MKX: variants seen among roughly 807,000 people sequenced by gnomAD.
The protein encoded by MKX is homeobox protein Mohawk.
MKX carries 13 observed loss-of-function variants against 36.0 expected under a neutral mutation model. The ratio of observed to expected loss-of-function variants is 0.36; its 90% CI spans 0.24 to 0.57. MKX has a LOEUF of 0.57. Ranked by LOEUF, MKX falls within the 20% of genes least tolerant of loss-of-function variation. MKX has a pLI of 0.79. For synonymous variants in MKX, 176 were observed against 178.3 expected (o/e 0.99, Z 0.10); for missense variants, 458 against 456.4 (o/e 1.00, Z -0.03).
intron 1 of MKX, 195 bp downstream of exon 1, chr10:27,745,512 G>C (rs1053707034): frequency 6.6e-6 from 1 of 152,582 alleles, no homozygotes; most frequent in African/African-American, 2.4e-5. Context: ...AGCAAAGGAG[G>C]CGCGGCCAGG....
At chr10:27,692,404 T>C (rs1248559949) in intron 5 of MKX, among the ~76,000 whole-genome samples, 1 of 152,212 alleles carries the variant, frequency 6.6e-6, no homozygotes, top group Non-Finnish European at 1.5e-5. Context: ...AAGATTTTCA[T>C]TGTAATATAT....
At chr10:27,684,973 C>T (rs1016106814) in intron 5 of MKX, among the ~76,000 whole-genome samples, 14 of 152,214 alleles carry the variant, frequency 9.2e-5, no homozygotes, top group Non-Finnish European at 1.0e-4. Flanking sequence ...CTATGCCAGA[C>T]ACTATGCCAG....
chr10:27,728,743 T>C (rs767784429), intron 5 of MKX, among the ~76,000 whole-genome samples: 8 of 152,178 alleles, frequency 5.3e-5, no homozygotes, highest in Non-Finnish European at 8.8e-5. Context: ...TTACTACTGA[T>C]ACCAGCTTAA....
rs35775843 is a variant in MKX at position 27,734,653 on chromosome 10, G to C, written c.641C>G (p.Ala214Gly). 1.3e-3 allele frequency: 2,100 copies of C among 1,614,154 alleles called. 4 individuals carry two copies. Among genetic ancestry groups the C allele is most frequent in the Non-Finnish European group, 1.5e-3 (1,795 of 1,180,028 alleles). The change falls in exon 5 of 7, where the codon GCA (alanine) becomes GGA (glycine). Residue 214 changes from alanine to glycine, a missense_variant. Around this residue, in one of 3 missense-constraint regions of MKX, gnomAD observed 297 missense variants for 304.4 expected, o/e 0.98. Transcript: ENST00000419761. ...PESRASEDYVAPPKYKSSLLN... is the reference protein window; with the variant it reads ...PESRASEDYVGPPKYKSSLLN... ...CAAGCTGCTCTTGTATTTGGGGGGT[G>C]CCACGTAGTCCTCACTGGCCCGTGA...
At chr10:27,699,358 GAAAAGAAACATGTATGTTA>G (rs759605030) in intron 5 of MKX, among the ~76,000 whole-genome samples, 71 of 152,226 alleles carry the variant, frequency 4.7e-4, no homozygotes, top group Non-Finnish European at 8.7e-4. Context: ...TTCAGTGACT[GAAAAGAAACATGTATGTTA>G]AAAAGAAAAG....
chr10:27,714,064 G>A (rs1433093888), intron 5 of MKX, among the ~76,000 whole-genome samples: 1 of 148,820 alleles, frequency 6.7e-6, no homozygotes, highest in African/African-American at 2.5e-5. Context: ...CATGGCAACA[G>A]GCATGACATT....
intron 5 of MKX, among the ~76,000 whole-genome samples, chr10:27,708,887 G>A (rs779722198): frequency 2.6e-5 from 4 of 152,134 alleles, no homozygotes; most frequent in Non-Finnish European, 5.9e-5. Context: ...CAGCAATACC[G>A]GTTGGGTGCA....
intron 5 of MKX, among the ~76,000 whole-genome samples, chr10:27,729,014 T>A (rs1442579092): frequency 6.6e-6 from 1 of 152,208 alleles, no homozygotes; most frequent in African/African-American, 2.4e-5. Context: ...ATAAACGACT[T>A]CTTTTTTCTC....
intron 5 of MKX, among the ~76,000 whole-genome samples, chr10:27,694,527 A>AAAAATATATATATATATATATAT (rs547670335): frequency 5.2e-5 from 6 of 114,332 alleles, no homozygotes; most frequent in African/African-American, 2.0e-4. Flanking sequence ...AAAAAAAAAA[A>AAAAATATATATATATATATATAT]ATATATATAT....
At chr10:27,716,110 C>A (rs1404225831) in intron 5 of MKX, among the ~76,000 whole-genome samples, 2 of 152,090 alleles carry the variant, frequency 1.3e-5, no homozygotes, top group African/African-American at 4.8e-5. Flanking sequence ...GTTCCCTCAT[C>A]CTTAAAATAA....
intron 5 of MKX, among the ~76,000 whole-genome samples, chr10:27,714,055 A>G (rs1836920511): frequency 6.8e-6 from 1 of 147,584 alleles, no homozygotes; most frequent in Non-Finnish European, 1.5e-5. Context: ...TTTTCTCTGC[A>G]TGGCAACAGG....
intron 5 of MKX, among the ~76,000 whole-genome samples, chr10:27,732,608 C>T: frequency 6.6e-6 from 1 of 151,936 alleles, no homozygotes; most frequent in Non-Finnish European, 1.5e-5. Flanking sequence ...CCCATTTGAC[C>T]TTTTTTTATT....
At chr10:27,711,401 CTTCTTTCCTTCT>C (rs1301770213) in intron 5 of MKX, among the ~76,000 whole-genome samples, 4 of 141,180 alleles carry the variant, frequency 2.8e-5, no homozygotes, top group South Asian at 2.3e-4. Flanking sequence ...TCTTCCTTTC[CTTCTTTCCTTCT>C]TTCTTTCTTT....
chr10:27,699,434 A>T (rs1263561822), intron 5 of MKX, among the ~76,000 whole-genome samples: 1 of 152,236 alleles, frequency 6.6e-6, no homozygotes, highest in African/African-American at 2.4e-5. Context: ...GTTAATGAGA[A>T]TTTCTATTGA....
intron 5 of MKX, among the ~76,000 whole-genome samples, chr10:27,682,470 C>G (rs887841593): frequency 6.6e-6 from 1 of 152,154 alleles, no homozygotes; most frequent in African/African-American, 2.4e-5. Context: ...TACTCACTCA[C>G]TCACCCAAAG....
At chr10:27,705,736 C>T (rs982895409) in intron 5 of MKX, among the ~76,000 whole-genome samples, 1 of 152,138 alleles carries the variant, frequency 6.6e-6, no homozygotes, top group African/African-American at 2.4e-5. Context: ...GTGGCTATCA[C>T]TATTGTTTTT....
intron 5 of MKX, among the ~76,000 whole-genome samples, chr10:27,712,370 C>T (rs1194425818): frequency 6.6e-6 from 1 of 152,156 alleles, no homozygotes; most frequent in Non-Finnish European, 1.5e-5. Context: ...ACCTAGAAAG[C>T]CCCTTAAGTT....
At chr10:27,694,363 C>T (rs1204740458) in intron 5 of MKX, among the ~76,000 whole-genome samples, 1 of 151,834 alleles carries the variant, frequency 6.6e-6, no homozygotes, top group East Asian at 1.9e-4. Flanking sequence ...GAATATACTA[C>T]ACATACTCCA....
intron 5 of MKX, among the ~76,000 whole-genome samples, chr10:27,678,521 G>A (rs1208035315): frequency 6.6e-6 from 1 of 152,186 alleles, no homozygotes; most frequent in Non-Finnish European, 1.5e-5. Flanking sequence ...TCACATAGGC[G>A]AAGGAGACCA....
Sources: gnomAD v4.1 joint callset for allele counts (sites outside exome capture counted in the v4.1 genomes callset) on GRCh38, gnomAD v4.1.1 for gene constraint, gnomAD v4.1.1 regional missense constraint, MANE v1.5 for transcripts, NCBI Gene and HGNC (gene_info 2026-07-23, HGNC 2026-07-21) for gene names.